The following CLSTN2 variants were observed in gnomAD, a reference collection of about 807,000 sequenced individuals.
The protein encoded by CLSTN2 is calsyntenin-2.
A neutral mutation model predicts 101.2 loss-of-function variants in CLSTN2; 48 were observed. The ratio of observed to expected loss-of-function variants is 0.47; its 90% confidence interval spans 0.38 to 0.60. CLSTN2 has a LOEUF of 0.60. CLSTN2 is among the 20% of genes least tolerant of loss of function. The probability of loss-of-function intolerance (pLI) is 0.00; values close to 1 mark genes in which losing one functional copy is unlikely to be tolerated. For missense variants in CLSTN2, 1,160 were observed against 1,238.2 expected (o/e 0.94, Z 0.95); for synonymous variants, 481 against 463.6 (o/e 1.04, Z -0.48).
chr3:140,336,514 G>C (rs920175660), intron 2 of CLSTN2, among the ~76,000 whole-genome samples: 2 of 152,140 alleles, frequency 1.3e-5, no homozygotes, highest in Admixed American at 6.5e-5. Flanking sequence ...ATCTCCTGAG[G>C]TGTGCAAGCC....
intron 1 of CLSTN2, among the ~76,000 whole-genome samples, chr3:140,131,971 T>A (rs1488623288): frequency 1.3e-5 from 2 of 152,084 alleles, no homozygotes; most frequent in East Asian, 3.9e-4. Context: ...ACTAAATAGA[T>A]CATTGCAGCC....
intron 2 of CLSTN2, among the ~76,000 whole-genome samples, chr3:140,377,127 G>A (rs569074610): frequency 2.0e-5 from 3 of 151,890 alleles, no homozygotes; most frequent in Admixed American, 6.6e-5. Context: ...AGATTATAAC[G>A]GAGTTAAAAA....
chr3:140,431,707 T>A (rs2088630066), intron 5 of CLSTN2, among the ~76,000 whole-genome samples: 1 of 152,026 alleles, frequency 6.6e-6, no homozygotes, highest in Non-Finnish European at 1.5e-5. Flanking sequence ...CAGGGGTAGG[T>A]GATGGGGGAA....
At chr3:140,444,916 T>C (rs1378914601) in intron 5 of CLSTN2, among the ~76,000 whole-genome samples, 3 of 152,240 alleles carry the variant, frequency 2.0e-5, no homozygotes, top group Non-Finnish European at 4.4e-5. Flanking sequence ...TGGTAAAGCC[T>C]GAACTTGATG....
In CLSTN2 at chr3:140,336,689, G is replaced by A. The variant is rs545728828; in HGVS notation, c.233-66940G>A. 1.9e-4 allele frequency among the ~76,000 whole-genome samples: 29 copies of A among 152,352 alleles called. No homozygotes were observed. In the East Asian group the frequency reaches 5.4e-3, roughly 28 times the overall value. Reference sequence around the variant, plus strand: ...GTCAGAGCTGGCATAGACTTGCCAAGACTTTGTTGAAAACCAACTGCTTTC... The same window carrying A: ...GTCAGAGCTGGCATAGACTTGCCAAAACTTTGTTGAAAACCAACTGCTTTC... On this transcript the variant is annotated intron_variant, in intron 2 of 16. Transcript: ENST00000458420.
At chr3:140,556,714 C>G in intron 11 of CLSTN2, 53 bp downstream of exon 11, 8 of 1,574,116 alleles carry the variant, frequency 5.1e-6, no homozygotes, top group Non-Finnish European at 6.9e-6. Context: ...TTGGGAAGGT[C>G]CCAACTGAGG....
At chr3:140,513,663 T>G (rs1259586782) in intron 8 of CLSTN2, among the ~76,000 whole-genome samples, 5 of 146,426 alleles carry the variant, frequency 3.4e-5, no homozygotes, top group African/African-American at 1.3e-4. Context: ...ATGAGTTAGG[T>G]AGGAATCCCT....
At chr3:140,112,364 TG>T (rs67385996) in intron 1 of CLSTN2, among the ~76,000 whole-genome samples, 47,995 of 151,206 alleles carry the variant, frequency 0.32, 8,617 homozygotes, top group East Asian at 0.56. Context: ...TGTGTGTGTG[TG>T]TGTGTTTTTT....
chr3:139,947,637 AC>A (rs1461402568), intron 1 of CLSTN2, among the ~76,000 whole-genome samples: 1 of 152,090 alleles, frequency 6.6e-6, no homozygotes, highest in Non-Finnish European at 1.5e-5. Flanking sequence ...CATAGCTAAG[AC>A]CCCGATTTCA....
chr3:140,552,705 G>A (rs1472438510), intron 10 of CLSTN2, among the ~76,000 whole-genome samples: 2 of 152,150 alleles, frequency 1.3e-5, no homozygotes, highest in Non-Finnish European at 1.5e-5. Context: ...AACCTCCACT[G>A]CAGACCTATC....
intron 2 of CLSTN2, among the ~76,000 whole-genome samples, chr3:140,270,089 C>T (rs2086728178): frequency 6.6e-6 from 1 of 152,128 alleles, no homozygotes; most frequent in African/African-American, 2.4e-5. Flanking sequence ...TGCTATTAAG[C>T]CCATTTTGAT....
intron 1 of CLSTN2, among the ~76,000 whole-genome samples, chr3:140,099,331 T>A (rs1258971941): frequency 2.6e-5 from 4 of 152,110 alleles, no homozygotes; most frequent in African/African-American, 4.8e-5. Flanking sequence ...TTCTGGTAGC[T>A]TTTGGTGACT....
At chr3:140,268,058 T>A (rs929594040) in intron 2 of CLSTN2, among the ~76,000 whole-genome samples, 3 of 151,946 alleles carry the variant, frequency 2.0e-5, no homozygotes, top group African/African-American at 7.3e-5. Context: ...AGGAGGGAAA[T>A]ACATTTAGTG....
At chr3:140,355,940 A>C (rs1542567) in intron 2 of CLSTN2, among the ~76,000 whole-genome samples, 2 of 152,092 alleles carry the variant, frequency 1.3e-5, no homozygotes, top group South Asian at 4.1e-4. Context: ...TAAAAAATGA[A>C]TGAAAAGTTG....
intron 1 of CLSTN2, among the ~76,000 whole-genome samples, chr3:140,016,123 G>A (rs1229442346): frequency 1.3e-5 from 2 of 152,210 alleles, no homozygotes; most frequent in Non-Finnish European, 2.9e-5. Context: ...AGTGGCATGT[G>A]CAGAGGCATG....
intron 2 of CLSTN2, among the ~76,000 whole-genome samples, chr3:140,381,265 T>C (rs551380736): frequency 6.6e-6 from 1 of 152,314 alleles, no homozygotes; most frequent in African/African-American, 2.4e-5. Context: ...TTTTGATAAG[T>C]ACATAGTCAT....
chr3:140,059,884 A>T (rs1463034569), intron 1 of CLSTN2, among the ~76,000 whole-genome samples: 2 of 152,212 alleles, frequency 1.3e-5, no homozygotes. Context: ...GAAAGACCTC[A>T]TTCAAGACAT....
chr3:140,119,535 G>C (rs1560100625), intron 1 of CLSTN2, among the ~76,000 whole-genome samples: 1 of 152,184 alleles, frequency 6.6e-6, no homozygotes, highest in Non-Finnish European at 1.5e-5. Flanking sequence ...TTTGTTTTAA[G>C]ACAGGGTCTT....
chr3:140,563,285 T>G, intron 15 of CLSTN2, 82 bp downstream of exon 15: 1 of 1,508,628 alleles, frequency 6.6e-7, no homozygotes, highest in Non-Finnish European at 9.0e-7. Flanking sequence ...ACGGTTATGT[T>G]GTAGCAAACG....
Sources: allele counts gnomAD v4.1 joint callset (sites outside exome capture counted in the v4.1 genomes callset), GRCh38; gene constraint gnomAD v4.1.1; transcripts MANE v1.5; gene names NCBI Gene and HGNC (gene_info 2026-07-23, HGNC 2026-07-21).